SRPK2: variants seen among roughly 807,000 people sequenced by gnomAD.
SRPK2 encodes SFRS protein kinase 2.
SRPK2 carries 21 observed loss-of-function variants against 90.8 expected under a neutral mutation model. The observed-to-expected ratio is 0.23, with a 90% CI of 0.16 to 0.33. The LOEUF is 0.33. Among genes scored for constraint, SRPK2 ranks in the 10% least tolerant of loss-of-function variants. The pLI, the probability that SRPK2 is intolerant of heterozygous loss-of-function variation, is 1.00. For missense variants in SRPK2, 620 were observed against 869.0 expected (o/e 0.71, Z 3.60); for synonymous variants, 288 against 311.1 (o/e 0.93, Z 0.78).
intron 2 of SRPK2, among the ~76,000 whole-genome samples, chr7:105,258,542 G>GCAT (rs1161301402): frequency 6.6e-6 from 1 of 151,898 alleles, no homozygotes; most frequent in South Asian, 2.1e-4. Flanking sequence ...TATCAGTCCA[G>GCAT]CATCATCCTG....
At chr7:105,151,099 T>G (rs1329219790) in intron 7 of SRPK2, among the ~76,000 whole-genome samples, 1 of 152,188 alleles carries the variant, frequency 6.6e-6, no homozygotes, top group Non-Finnish European at 1.5e-5. Flanking sequence ...TCCAGATTTT[T>G]TTTAAAAAAA....
At chr7:105,263,686 T>A (rs988916390) in intron 2 of SRPK2, among the ~76,000 whole-genome samples, 11 of 152,132 alleles carry the variant, frequency 7.2e-5, no homozygotes, top group Admixed American at 7.2e-4. Flanking sequence ...AAAGTCAATC[T>A]AGCAGAAAAT....
At chr7:105,123,531 A>G (rs910691392) in intron 15 of SRPK2, among the ~76,000 whole-genome samples, 4 of 152,104 alleles carry the variant, frequency 2.6e-5, no homozygotes, top group Admixed American at 2.0e-4. Flanking sequence ...CTATTTTAGG[A>G]AAAAAAATTT....
chr7:105,218,934 A>AT (rs202062361), intron 2 of SRPK2, among the ~76,000 whole-genome samples: 8 of 152,024 alleles, frequency 5.3e-5, no homozygotes, highest in South Asian at 2.1e-4. Flanking sequence ...AAATTCAACA[A>AT]TTTTTTTTAA....
Position 105,388,638 on chromosome 7 carries a change from G to A in SRPK2, c.71+10C>T, listed in dbSNP as rs1216336781. 1 of 1,583,638 alleles carries A rather than the reference G, an allele frequency of 6.3e-7. No homozygotes were observed. The highest frequency in any genetic ancestry group is 2.4e-5 in the East Asian group (1 of 42,192). ...GGTGGGGAACGGGGACAGGCGCAGC[G>A]TGGACTCACTTTTTCGGATGTTTCT... is the stretch of plus-strand genomic sequence containing the variant. On this transcript the variant is annotated intron_variant, in intron 2 of 15. Coordinates refer to ENST00000393651, the MANE Select transcript of SRPK2 (RefSeq NM_182692.3).
chr7:105,374,092 A>T (rs1001593424), intron 2 of SRPK2, among the ~76,000 whole-genome samples: 2 of 151,406 alleles, frequency 1.3e-5, no homozygotes, highest in African/African-American at 2.4e-5. Context: ...ACGCCCAGCT[A>T]ATTTTTATAT....
chr7:105,127,161 T>C, intron 13 of SRPK2, 99 bp from the exon 14 acceptor site: 1 of 1,123,506 alleles, frequency 8.9e-7, no homozygotes, highest in Non-Finnish European at 1.3e-6. Context: ...TATGAAGATC[T>C]GAATCAAACA....
intron 12 of SRPK2, 28 bp downstream of exon 12, chr7:105,132,976 A>G: frequency 6.2e-7 from 1 of 1,613,784 alleles, no homozygotes; most frequent in South Asian, 1.1e-5. Flanking sequence ...ATCAAGACCA[A>G]AGGTTTTAGA....
At chr7:105,289,278 AAAAT>A (rs1808625153) in intron 2 of SRPK2, among the ~76,000 whole-genome samples, 1 of 151,942 alleles carries the variant, frequency 6.6e-6, no homozygotes, top group African/African-American at 2.4e-5. Flanking sequence ...TGTCTCAAAA[AAAAT>A]AAATAAAAAA....
intron 3 of SRPK2, among the ~76,000 whole-genome samples, chr7:105,173,333 G>A (rs959280542): frequency 6.6e-6 from 1 of 152,082 alleles, no homozygotes; most frequent in Non-Finnish European, 1.5e-5. Flanking sequence ...TTTTGAAAAC[G>A]TGATATACAC....
chr7:105,149,435 C>T (rs1049172414), intron 7 of SRPK2, among the ~76,000 whole-genome samples: 3 of 152,152 alleles, frequency 2.0e-5, no homozygotes, highest in East Asian at 1.9e-4. Context: ...TATTATCACC[C>T]TGCCCTCCTA....
chr7:105,265,571 A>C (rs999025527), intron 2 of SRPK2, among the ~76,000 whole-genome samples: 4 of 152,260 alleles, frequency 2.6e-5, no homozygotes, highest in Non-Finnish European at 4.4e-5. Context: ...TAAATCCCAG[A>C]AGTGCTCTAG....
intron 3 of SRPK2, among the ~76,000 whole-genome samples, 159 bp downstream of exon 3, chr7:105,203,469 T>C (rs973760339): frequency 6.6e-6 from 1 of 152,194 alleles, no homozygotes; most frequent in Non-Finnish European, 1.5e-5. Flanking sequence ...CTCTATACAA[T>C]GACCTAAGAA....
intron 2 of SRPK2, among the ~76,000 whole-genome samples, chr7:105,384,181 A>G (rs73716700): frequency 0.012 from 1,800 of 152,324 alleles, 32 homozygotes; most frequent in African/African-American, 0.041. Flanking sequence ...ACCTCCATAT[A>G]AACATACTAT....
intron 1 of SRPK2, among the ~76,000 whole-genome samples, chr7:105,394,558 T>A (rs1351592475): frequency 6.6e-6 from 1 of 152,246 alleles, no homozygotes; most frequent in Non-Finnish European, 1.5e-5. Context: ...TAACAACATG[T>A]ACTAATACTA....
At chr7:105,254,046 C>G (rs1428185047) in intron 2 of SRPK2, among the ~76,000 whole-genome samples, 1 of 152,218 alleles carries the variant, frequency 6.6e-6, no homozygotes, top group African/African-American at 2.4e-5. Flanking sequence ...CAAATTTTCT[C>G]AGTGACTATG....
At chr7:105,340,261 C>T (rs1261320633) in intron 2 of SRPK2, among the ~76,000 whole-genome samples, 1 of 98,706 alleles carries the variant, frequency 1.0e-5, no homozygotes, top group Non-Finnish European at 2.3e-5. Context: ...AATACAATGA[C>T]TATTTCAAGA....
intron 2 of SRPK2, among the ~76,000 whole-genome samples, chr7:105,294,326 A>G (rs1809490081): frequency 6.6e-6 from 1 of 152,110 alleles, no homozygotes; most frequent in Admixed American, 6.6e-5. Flanking sequence ...GTTTACCAGC[A>G]CTGTATTTAG....
At chr7:105,197,664 C>A (rs908513120) in intron 3 of SRPK2, among the ~76,000 whole-genome samples, 2 of 152,110 alleles carry the variant, frequency 1.3e-5, no homozygotes, top group Admixed American at 6.6e-5. Flanking sequence ...GGGGGAGATA[C>A]ATGAACACAG....
Sources: allele counts gnomAD v4.1 joint callset (sites outside exome capture counted in the v4.1 genomes callset), GRCh38; gene constraint gnomAD v4.1.1; transcripts MANE v1.5; gene names NCBI Gene and HGNC (gene_info 2026-07-23, HGNC 2026-07-21).